Variants in SAMMSON observed in about 807,000 individuals in gnomAD.
SAMMSON encodes long intergenic non-protein coding RNA 1212.
At chr3:70,197,408 T>G (rs1458012593) in intron 4 of SAMMSON, among the ~76,000 whole-genome samples, 1 of 152,230 alleles carries the variant, frequency 6.6e-6, no homozygotes. Flanking sequence ...TTCCTATTGA[T>G]TCGACATAAT....
chr3:70,013,860 T>TG (rs1167776194), intron 3 of SAMMSON: 3 of 152,114 alleles, frequency 2.0e-5, no homozygotes, highest in Non-Finnish European at 4.4e-5. Context: ...GTTGAAACTT[T>TG]GGAGGGATAA....
chr3:70,324,757 C>G (rs1208663296), intron 7 of SAMMSON, among the ~76,000 whole-genome samples: 2 of 151,970 alleles, frequency 1.3e-5, no homozygotes, highest in Non-Finnish European at 2.9e-5. Context: ...GAAGATCGAA[C>G]AAGAGAAAGG....
At chr3:70,044,919 C>A (rs1021842824) in intron 3 of SAMMSON, among the ~76,000 whole-genome samples, 1 of 141,138 alleles carries the variant, frequency 7.1e-6, no homozygotes. Flanking sequence ...AAGTAAAATA[C>A]TTTAATTAAA....
intron 9 of SAMMSON, among the ~76,000 whole-genome samples, chr3:70,386,384 C>A (rs550019812): frequency 9.9e-5 from 15 of 151,932 alleles, no homozygotes; most frequent in Middle Eastern, 6.8e-3. Flanking sequence ...ATGTGCTGTC[C>A]AGGTTATATC....
chr3:70,200,097 C>T lies in SAMMSON; in HGVS notation n.508-49010C>T, dbSNP rs143115858. 3.1e-3 allele frequency among the ~76,000 whole-genome samples: 476 copies of T among 152,246 alleles called. 7 individuals carry two copies. Among genetic ancestry groups the T allele is most frequent in the African/African-American group, 0.011 (458 of 41,570 alleles). Reference sequence around the variant, plus strand: ...CCATGCAATTCATTGCTGAGTCCTGCTGTTTCCACCTCAAATTCGTATTCG... The same window carrying T: ...CCATGCAATTCATTGCTGAGTCCTGTTGTTTCCACCTCAAATTCGTATTCG... On this transcript the variant is annotated intron_variant and non_coding_transcript_variant, in intron 4 of 9. Coordinates refer to ENST00000642114, the Ensembl canonical transcript of SAMMSON.
chr3:70,066,776 A>G (rs2107593498), intron 3 of SAMMSON, among the ~76,000 whole-genome samples: 1 of 152,234 alleles, frequency 6.6e-6, no homozygotes, highest in South Asian at 2.1e-4. Flanking sequence ...CATTGAAGAA[A>G]CAGCAGGTAG....
rs567772132 is a variant in SAMMSON at position 70,101,844 on chromosome 3, T to G, written n.507+30279T>G. Among the ~76,000 whole-genome samples, 6 of 152,300 alleles carry G rather than the reference T, an allele frequency of 3.9e-5. No individual in the cohort carries two copies. The South Asian group carries it at 8.3e-4, about 21-fold the overall frequency. On this transcript the variant is annotated intron_variant and non_coding_transcript_variant, in intron 4 of 9. Coordinates refer to ENST00000642114, the Ensembl canonical transcript of SAMMSON. Reference sequence around the variant, plus strand: ...TAATAACGAAACTAAAATTATAATTTCCTGACTTCACAGATAATGGCTTTT... The same window carrying G: ...TAATAACGAAACTAAAATTATAATTGCCTGACTTCACAGATAATGGCTTTT...
downstream of SAMMSON, among the ~76,000 whole-genome samples, chr3:70,392,826 G>A (rs1701061137): frequency 6.6e-6 from 1 of 152,028 alleles, no homozygotes; most frequent in African/African-American, 2.4e-5. Context: ...TTTGACTCAG[G>A]CCAGGTAATG....
At chr3:70,256,827 T>A (rs920126524) in intron 6 of SAMMSON, among the ~76,000 whole-genome samples, 4 of 152,202 alleles carry the variant, frequency 2.6e-5, no homozygotes, top group Admixed American at 6.5e-5. Context: ...GAATGCAAAG[T>A]AGATGGGCTG....
chr3:70,356,265 C>G lies in SAMMSON; in HGVS notation n.842+1988C>G, dbSNP rs574713580. ...TTCAGAAAACTTAGAAATTATCACA[C>G]GAAATAATATAAAAGTTACCTATTA... On this transcript the variant is annotated intron_variant and non_coding_transcript_variant, in intron 8 of 9. Transcript: ENST00000642114. Among the ~76,000 whole-genome samples, 7 of 152,170 alleles carry G rather than the reference C, an allele frequency of 4.6e-5. No homozygotes were observed. In the South Asian group the frequency reaches 1.2e-3, roughly 27 times the overall value.
At chr3:70,297,198 G>T (rs1464261985) in intron 7 of SAMMSON, among the ~76,000 whole-genome samples, 1 of 152,088 alleles carries the variant, frequency 6.6e-6, no homozygotes, top group Non-Finnish European at 1.5e-5. Flanking sequence ...TTAAATAAGT[G>T]TATGAATTAT....
intron 4 of SAMMSON, among the ~76,000 whole-genome samples, chr3:70,167,958 A>G (rs1344763021): frequency 1.3e-5 from 2 of 151,990 alleles, no homozygotes; most frequent in African/African-American, 2.4e-5. Flanking sequence ...GGAAAAGGCG[A>G]CGGTTTTGAA....
At chr3:70,099,709 C>T (rs1342769288) in intron 4 of SAMMSON, among the ~76,000 whole-genome samples, 1 of 152,164 alleles carries the variant, frequency 6.6e-6, no homozygotes, top group African/African-American at 2.4e-5. Flanking sequence ...TAAACATTCT[C>T]CATCTCCTAC....
Position 70,218,043 on chromosome 3 carries a change from A to G in SAMMSON, n.508-31064A>G, listed in dbSNP as rs187104119. Among the ~76,000 whole-genome samples the G allele has an allele frequency of 6.6e-5, 10 of 152,196 alleles. No homozygotes were observed. The East Asian group carries it at 1.9e-3, about 30-fold the overall frequency. On this transcript the variant is annotated intron_variant and non_coding_transcript_variant, in intron 4 of 9. Transcript: ENST00000642114. ...GGAGCAAATCATATGCTTATTTTTA[A>G]ACTCCTTTTGCCCACTCTGTGTGCC...
rs1484781822 is a variant in SAMMSON at position 70,189,773 on chromosome 3, C to T, written n.508-59334C>T. On this transcript the variant is annotated intron_variant and non_coding_transcript_variant, in intron 4 of 9. Coordinates refer to ENST00000642114, the Ensembl canonical transcript of SAMMSON. The stretch of plus-strand genomic sequence containing the variant: ...TCTTTTAAAACATAAAATGCTTTAC[C>T]TCTGATTTAAAGTTTGGGGGATTGG... Among the ~76,000 whole-genome samples, 3 of 139,638 alleles carry T rather than the reference C, an allele frequency of 2.1e-5. No homozygotes were observed. The East Asian group carries it at 5.8e-4, about 27-fold the overall frequency. The allele number at this position is 139,638 out of a possible 152,430, so 91.6% of individuals were successfully genotyped here.
At chr3:70,085,992 A>G (rs970487908) in intron 4 of SAMMSON, among the ~76,000 whole-genome samples, 2 of 152,244 alleles carry the variant, frequency 1.3e-5, no homozygotes, top group African/African-American at 4.8e-5. Context: ...AAGAATATCT[A>G]ATAGTTGGCT....
intron 7 of SAMMSON, among the ~76,000 whole-genome samples, chr3:70,293,084 A>G (rs886162416): frequency 6.7e-6 from 1 of 149,948 alleles, no homozygotes; most frequent in Non-Finnish European, 1.5e-5. Context: ...AGCATATTAC[A>G]TGACGAGAAG....
intron 1 of SAMMSON, among the ~76,000 whole-genome samples, chr3:70,000,647 CTGTT>C (rs1257645446): frequency 6.6e-6 from 1 of 152,134 alleles, no homozygotes; most frequent in Non-Finnish European, 1.5e-5. Flanking sequence ...AAATTCAAGT[CTGTT>C]TATTTTGTTT....
chr3:70,056,053 A>G (rs1182204052), intron 3 of SAMMSON, among the ~76,000 whole-genome samples: 4 of 152,050 alleles, frequency 2.6e-5, no homozygotes, highest in Admixed American at 6.6e-5. Flanking sequence ...TTTTCTTTCC[A>G]GGATCACTGC....
Sources: allele counts gnomAD v4.1 joint callset (sites outside exome capture counted in the v4.1 genomes callset), GRCh38; gene constraint gnomAD v4.1.1; transcripts MANE v1.5; gene names NCBI Gene and HGNC (gene_info 2026-07-23, HGNC 2026-07-21).